The following CMSS1 variants were observed in gnomAD, a reference collection of about 807,000 sequenced individuals.
CMSS1 encodes the protein protein CMSS1.
In CMSS1, 33 loss-of-function variants were observed where a neutral mutation model predicts 43.5. The observed-to-expected ratio is 0.76, with a 90% confidence interval of 0.57 to 1.01. The LOEUF is 1.01. Ranked by LOEUF, CMSS1 falls within the 50% of genes least tolerant of loss-of-function variation. The pLI is 0.00. For missense variants in CMSS1, 313 were observed against 326.4 expected (o/e 0.96, Z 0.32); for synonymous variants, 115 against 117.2 (o/e 0.98, Z 0.12).
intron 1 of CMSS1, among the ~76,000 whole-genome samples, chr3:99,822,743 T>C (rs1942462584): frequency 6.6e-6 from 1 of 151,982 alleles, no homozygotes; most frequent in Non-Finnish European, 1.5e-5. Context: ...AAAATAATAA[T>C]GATAATAATA....
At chr3:99,828,879 G>T (rs1318597821) in intron 1 of CMSS1, among the ~76,000 whole-genome samples, 2 of 151,314 alleles carry the variant, frequency 1.3e-5, no homozygotes, top group Non-Finnish European at 2.9e-5. Flanking sequence ...CCACTTGCCT[G>T]CTGGGACTGC....
chr3:99,871,145 A>C (rs1430348334), intron 1 of CMSS1, among the ~76,000 whole-genome samples: 1 of 152,206 alleles, frequency 6.6e-6, no homozygotes, highest in Non-Finnish European at 1.5e-5. Flanking sequence ...GCTGAGCCTA[A>C]CTTGGTTTCT....
intron 1 of CMSS1, among the ~76,000 whole-genome samples, chr3:99,869,496 A>T (rs746796675): frequency 1.3e-5 from 2 of 152,212 alleles, no homozygotes; most frequent in Non-Finnish European, 2.9e-5. Flanking sequence ...CATTTTCACA[A>T]AATTCCACAG....
Position 99,929,584 on chromosome 3 carries a change from G to C in CMSS1, c.64+111541G>C, listed in dbSNP as rs575183811. On this transcript the variant is annotated intron_variant, in intron 1 of 9. Transcript: ENST00000421999. ...TGCATGTGTGTGTTTGTGTGTGTAT[G>C]TGCCTGCACATGCACGTGAGAGTGG... is the stretch of plus-strand genomic sequence containing the variant. 1.4e-3 allele frequency among the ~76,000 whole-genome samples: 209 copies of C among 152,116 alleles called. 1 individual carries two copies. Among genetic ancestry groups the C allele is most frequent in the Non-Finnish European group, 2.4e-3 (166 of 68,000 alleles).
intron 1 of CMSS1, among the ~76,000 whole-genome samples, chr3:100,096,290 A>T (rs1199997984): frequency 8.2e-6 from 1 of 121,728 alleles, no homozygotes; most frequent in African/African-American, 3.1e-5. Flanking sequence ...AAATCAGTAT[A>T]GCAAAGAGAG....
At position 99,911,368 on chromosome 3, in the gene CMSS1, T is replaced by C. The variant is rs140787623; in HGVS notation, c.64+93325T>C. ...TATAACAAAATAATAAGTATTATTA[T>C]TGTTAAGTTGTTTCCAAATTTGACT... On this transcript the variant is annotated intron_variant, in intron 1 of 9. Transcript: ENST00000421999. Among the ~76,000 whole-genome samples the C allele has an allele frequency of 2.4e-4, 36 of 150,816 alleles. No homozygotes were observed. The East Asian group carries it at 6.2e-3, about 26-fold the overall frequency.
chr3:99,822,985 G>A (rs930020212), intron 1 of CMSS1, among the ~76,000 whole-genome samples: 1 of 152,148 alleles, frequency 6.6e-6, no homozygotes, highest in Non-Finnish European at 1.5e-5. Context: ...TTGGTAAATA[G>A]GGGAGCTGTG....
chr3:99,954,863 G>A (rs1708275651), intron 1 of CMSS1, among the ~76,000 whole-genome samples: 1 of 152,056 alleles, frequency 6.6e-6, no homozygotes, highest in Admixed American at 6.6e-5. Context: ...CAGACTGTTA[G>A]GATTATTGTT....
At chr3:100,120,674 G>C (rs953660892) in intron 1 of CMSS1, among the ~76,000 whole-genome samples, 2 of 149,954 alleles carry the variant, frequency 1.3e-5, no homozygotes, top group African/African-American at 4.9e-5. Context: ...AAGGTGGTAT[G>C]AGATTCTCAT....
chr3:99,992,426 G>A (rs1160394783), intron 1 of CMSS1, among the ~76,000 whole-genome samples: 1 of 152,048 alleles, frequency 6.6e-6, no homozygotes, highest in East Asian at 1.9e-4. Flanking sequence ...AATTAGTAAT[G>A]TTGAGAATTT....
At chr3:99,918,874 A>T (rs1707038047) in intron 1 of CMSS1, among the ~76,000 whole-genome samples, 1 of 152,220 alleles carries the variant, frequency 6.6e-6, no homozygotes, top group Admixed American at 6.5e-5. Flanking sequence ...ACAAAGGTCA[A>T]ATGGAGATCT....
chr3:99,879,679 G>A lies in CMSS1; in HGVS notation c.64+61636G>A, dbSNP rs546322921. Among the ~76,000 whole-genome samples the A allele has an allele frequency of 9.2e-5, 14 of 152,322 alleles. No individual in the cohort carries two copies. In the South Asian group the frequency reaches 2.7e-3, roughly 29 times the overall value. On this transcript the variant is annotated intron_variant, in intron 1 of 9. Coordinates refer to ENST00000421999, the MANE Select transcript of CMSS1 (RefSeq NM_032359.4). ...GTCATTTAAGCAGTTGGTACGCTCTGCTCCCTAGGAGCTCTGCTTTGAGCT... is the reference window on the plus strand; with the variant it reads ...GTCATTTAAGCAGTTGGTACGCTCTACTCCCTAGGAGCTCTGCTTTGAGCT...
chr3:100,177,090 A>G (rs1447817175), intron 9 of CMSS1, among the ~76,000 whole-genome samples: 1 of 152,254 alleles, frequency 6.6e-6, no homozygotes, highest in Non-Finnish European at 1.5e-5. Flanking sequence ...AATGATTACC[A>G]GTCACTAACC....
chr3:100,160,629 G>C (rs2067015500), intron 3 of CMSS1, 128 bp downstream of exon 3: 1 of 583,628 alleles, frequency 1.7e-6, no homozygotes, highest in African/African-American at 1.9e-5. Flanking sequence ...AAGATTCTTT[G>C]AGGTTTGGTG....
chr3:100,075,160 A>G (rs1308554171), intron 1 of CMSS1, among the ~76,000 whole-genome samples: 1 of 152,234 alleles, frequency 6.6e-6, no homozygotes, highest in Admixed American at 6.5e-5. Context: ...TACATTAGAT[A>G]GAGATCGTCA....
At chr3:100,127,478 T>C (rs2107497001) in intron 1 of CMSS1, among the ~76,000 whole-genome samples, 1 of 152,324 alleles carries the variant, frequency 6.6e-6, no homozygotes, top group African/African-American at 2.4e-5. Context: ...CTAGGAAATC[T>C]AATTATCTAG....
intron 1 of CMSS1, among the ~76,000 whole-genome samples, chr3:99,991,905 TAC>T (rs1168009993): frequency 6.7e-6 from 1 of 149,764 alleles, no homozygotes; most frequent in Non-Finnish European, 1.5e-5. Flanking sequence ...TGTATATATA[TAC>T]ATATATAGGT....
intron 1 of CMSS1, among the ~76,000 whole-genome samples, chr3:100,006,984 G>A (rs1359317468): frequency 6.6e-6 from 1 of 152,150 alleles, no homozygotes; most frequent in Non-Finnish European, 1.5e-5. Flanking sequence ...TCCAAAACTT[G>A]AGCATATTCA....
intron 1 of CMSS1, among the ~76,000 whole-genome samples, chr3:99,935,412 C>A (rs1707632149): frequency 6.6e-6 from 1 of 152,198 alleles, no homozygotes; most frequent in Non-Finnish European, 1.5e-5. Context: ...GTGTTGTTAT[C>A]TGTGACTGTC....
Sources: allele counts gnomAD v4.1 joint callset (sites outside exome capture counted in the v4.1 genomes callset), GRCh38; gene constraint gnomAD v4.1.1; transcripts MANE v1.5; gene names NCBI Gene and HGNC (gene_info 2026-07-23, HGNC 2026-07-21).